The following MAF variants were observed in gnomAD, a reference collection of about 807,000 sequenced individuals.
MAF encodes the protein MAF bZIP transcription factor.
A neutral mutation model predicts 22.0 loss-of-function variants in MAF; 10 were observed. That is an observed-to-expected ratio of 0.45 (90% CI 0.28 to 0.77). The LOEUF (loss-of-function observed/expected upper bound fraction) is 0.77, where lower values mean the gene tolerates loss of function less well. MAF is among the 30% of genes least tolerant of loss of function. The pLI, the probability that MAF is intolerant of heterozygous loss-of-function variation, is 0.12. For synonymous variants in MAF, 337 were observed against 255.8 expected (o/e 1.32, Z -3.03); for missense variants, 544 against 548.4 (o/e 0.99, Z 0.08).
the MAF span, among the ~76,000 whole-genome samples, chr16:79,450,527 G>C: frequency 6.6e-6 from 1 of 152,174 alleles, no homozygotes; most frequent in African/African-American, 2.4e-5. Flanking sequence ...CAACCCCCTG[G>C]CCTGATAGCA....
the MAF span, among the ~76,000 whole-genome samples, chr16:79,565,229 T>C: frequency 6.6e-6 from 1 of 152,170 alleles, no homozygotes; most frequent in Admixed American, 6.5e-5. Flanking sequence ...CCCGGCCCAA[T>C]TACCTGTTTT....
the MAF span, among the ~76,000 whole-genome samples, chr16:79,209,710 G>A: frequency 4.6e-5 from 7 of 152,334 alleles, no homozygotes; most frequent in East Asian, 1.4e-3. Context: ...TACTTGGCTT[G>A]AGTTAGCTGG....
the MAF span, among the ~76,000 whole-genome samples, chr16:79,402,856 G>C: frequency 1.3e-5 from 2 of 152,206 alleles, no homozygotes; most frequent in Non-Finnish European, 2.9e-5. Flanking sequence ...CCAAGGAGTA[G>C]AGGAGGGAAA....
the MAF span, among the ~76,000 whole-genome samples, chr16:79,377,334 A>C: frequency 6.6e-6 from 1 of 152,194 alleles, no homozygotes. Context: ...TCTTTTGAGA[A>C]GTGTCTGTTC....
the MAF span, among the ~76,000 whole-genome samples, chr16:79,468,454 A>T: frequency 1.3e-5 from 2 of 152,192 alleles, no homozygotes; most frequent in Non-Finnish European, 2.9e-5. Flanking sequence ...AAGTCCGTGG[A>T]GGGTGGGAGA....
chr16:79,418,849 T>C, the MAF span, among the ~76,000 whole-genome samples: 1 of 152,182 alleles, frequency 6.6e-6, no homozygotes, highest in African/African-American at 2.4e-5. Context: ...TGGGTGGAGC[T>C]GCAGGCCCCA....
the MAF span, among the ~76,000 whole-genome samples, chr16:79,232,437 G>T: frequency 6.6e-6 from 1 of 151,978 alleles, no homozygotes; most frequent in Non-Finnish European, 1.5e-5. Flanking sequence ...TTGGAGGTAC[G>T]GTAGTTGACT....
the MAF span, among the ~76,000 whole-genome samples, chr16:79,280,010 CT>C: frequency 1.3e-5 from 2 of 152,192 alleles, no homozygotes; most frequent in African/African-American, 4.8e-5. Flanking sequence ...TCTGCTGCCC[CT>C]GTCACAGGCT....
intron 1 of MAF, chr16:79,596,249 A>T (rs2143772463): frequency 9.4e-7 from 1 of 1,059,988 alleles, no homozygotes; most frequent in Non-Finnish European, 1.1e-6. Context: ...TTGAAAACTG[A>T]AAACTTTGGG....
the MAF span, among the ~76,000 whole-genome samples, chr16:79,429,998 T>C: frequency 2.6e-5 from 4 of 152,288 alleles, no homozygotes; most frequent in Non-Finnish European, 4.4e-5. Context: ...CGACATCTTC[T>C]ACCCTGGAGT....
Position 79,599,038 on chromosome 16 carries a change from G to A in MAF, c.865C>T (p.Leu289=), listed in dbSNP as rs780258570. 6.2e-7 allele frequency: 1 copy of A among 1,613,180 alleles called. No homozygotes were observed. Among genetic ancestry groups the A allele is most frequent in the Admixed American group, 1.7e-5 (1 of 60,008 alleles). ...TTCAGGGTCCGCCTCTTCTGCTTCA[G>A]CCGGATCACCTCCTCCTTGCTGACC... ...RGVSKEEVIR[L]KQKRRTLKNR... Residue 289 remains leucine (L), a synonymous_variant, in exon 1 of 2, where the codon CTG becomes TTG. Coordinates refer to ENST00000326043, the MANE Select transcript of MAF (RefSeq NM_005360.5).
the MAF span, among the ~76,000 whole-genome samples, chr16:79,417,948 G>T: frequency 5.3e-5 from 8 of 152,086 alleles, no homozygotes; most frequent in African/African-American, 1.7e-4. Context: ...CTTCACCCCG[G>T]AGAGTTTCCC....
At chr16:79,588,756 C>T (rs1349995313) in intron 1 of MAF, among the ~76,000 whole-genome samples, 1 of 152,036 alleles carries the variant, frequency 6.6e-6, no homozygotes, top group African/African-American at 2.4e-5. Flanking sequence ...GCCACCACAC[C>T]GGGCCAGATT....
the MAF span, among the ~76,000 whole-genome samples, chr16:79,221,658 GA>G: frequency 1.3e-5 from 2 of 152,164 alleles, no homozygotes; most frequent in African/African-American, 4.8e-5. Context: ...CTGGACAGCT[GA>G]TAAGAGTGTA....
At chr16:79,300,220 T>C in the MAF span, among the ~76,000 whole-genome samples, 2 of 152,190 alleles carry the variant, frequency 1.3e-5, no homozygotes, top group Admixed American at 1.3e-4. Flanking sequence ...ATAGACAACA[T>C]TTATTGACTG....
At chr16:79,567,616 G>A in the MAF span, among the ~76,000 whole-genome samples, 1 of 152,174 alleles carries the variant, frequency 6.6e-6, no homozygotes, top group Non-Finnish European at 1.5e-5. Context: ...TAAATAAAGT[G>A]AGGGCTTCAG....
the MAF span, among the ~76,000 whole-genome samples, chr16:79,522,723 G>A: frequency 5.3e-5 from 8 of 152,304 alleles, no homozygotes; most frequent in South Asian, 1.7e-3. Context: ...GAGGCTTCCT[G>A]GATTGAGATC....
At chr16:79,223,431 T>A in the MAF span, among the ~76,000 whole-genome samples, 4 of 151,938 alleles carry the variant, frequency 2.6e-5, no homozygotes, top group African/African-American at 9.7e-5. Flanking sequence ...AAATCGACAC[T>A]CTAACATCAC....
the MAF span, among the ~76,000 whole-genome samples, chr16:79,264,294 G>A: frequency 3.9e-5 from 6 of 152,190 alleles, no homozygotes; most frequent in African/African-American, 1.2e-4. Context: ...AAAAACAACT[G>A]CCTGCCCTTG....
Sources: gnomAD v4.1 joint callset for allele counts (sites outside exome capture counted in the v4.1 genomes callset) on GRCh38, gnomAD v4.1.1 for gene constraint, MANE v1.5 for transcripts, NCBI Gene and HGNC (gene_info 2026-07-23, HGNC 2026-07-21) for gene names.